The following NUP155 variants were observed in gnomAD, a reference collection of about 807,000 sequenced individuals.
NUP155 encodes nuclear pore complex protein Nup155.
NUP155 carries 71 observed loss-of-function variants against 180.4 expected under a neutral mutation model. That is an observed-to-expected ratio of 0.39 (90% CI 0.33 to 0.48). The LOEUF (loss-of-function observed/expected upper bound fraction) is 0.48, where lower values mean the gene tolerates loss of function less well. Among genes scored for constraint, NUP155 ranks in the 20% least tolerant of loss-of-function variants. The pLI is 0.91. For synonymous variants in NUP155, 582 were observed against 559.5 expected (o/e 1.04, Z -0.57); for missense variants, 1,553 against 1,648.9 (o/e 0.94, Z 1.01).
intron 34 of NUP155, 45 bp from the exon 35 acceptor site, chr5:37,292,083 T>A (rs920566985): frequency 6.2e-7 from 1 of 1,601,476 alleles, no homozygotes; most frequent in African/African-American, 1.3e-5. Context: ...TTACAAACAT[T>A]TCCTCCTGCA....
chr5:37,331,882 TG>T lies in NUP155; in HGVS notation c.1519-88del, dbSNP rs1205559602. 5 of 854,566 alleles carry T rather than the reference TG, an allele frequency of 5.9e-6. No homozygotes were observed. In the Admixed American group the frequency reaches 9.1e-5, roughly 16 times the overall value. 52.9% of individuals were successfully genotyped at this position (854,566 alleles called of 1,614,324 possible). A position where few individuals can be genotyped will look rare whatever the true frequency, so the allele number is the denominator to read the frequency against. On this transcript the variant is annotated intron_variant, in intron 13 of 34. Coordinates refer to ENST00000231498, the MANE Select transcript of NUP155 (RefSeq NM_153485.3). ...ACTCTACCTTATTTGATAAAATAAATGAAACAAACAAAAAAAACCATTCAAC... is the reference window on the plus strand; with the variant it reads ...ACTCTACCTTATTTGATAAAATAAATAAACAAACAAAAAAAACCATTCAAC...
intron 32 of NUP155, among the ~76,000 whole-genome samples, chr5:37,296,278 G>C (rs1490600098): frequency 7.2e-5 from 11 of 152,146 alleles, no homozygotes; most frequent in Non-Finnish European, 1.3e-4. Flanking sequence ...GATGGTTGCC[G>C]TGTCTGTATA....
At chr5:37,299,019 T>C (rs1228054259) in intron 31 of NUP155, 41 bp from the exon 32 acceptor site, 2 of 1,137,078 alleles carry the variant, frequency 1.8e-6, no homozygotes, top group East Asian at 2.4e-5. Flanking sequence ...CAAATTACTT[T>C]TAATGTGAAA....
At chr5:37,317,886 T>C in intron 21 of NUP155, 102 bp downstream of exon 21, 3 of 786,272 alleles carry the variant, frequency 3.8e-6, no homozygotes, top group Non-Finnish European at 6.9e-6. Context: ...CAAATATTTG[T>C]GTACAAAGTA....
Position 37,288,280 on chromosome 5 carries a change from A to C in NUP155, c.*3620T>G, listed in dbSNP as rs576627002. ...GATACAACTCTGTACCATGGTCATAATTTTTCCGTCTCATGAATAGGAGGA... is the reference window on the plus strand; with the variant it reads ...GATACAACTCTGTACCATGGTCATACTTTTTCCGTCTCATGAATAGGAGGA... On this transcript the variant is annotated 3_prime_UTR_variant, in exon 35 of 35. Transcript: ENST00000231498. The C allele has an allele frequency of 1.3e-4, 20 of 152,284 alleles. No homozygotes were observed. The highest frequency in any genetic ancestry group is 3.6e-4 in the African/African-American group (15 of 41,556). The allele number at this position is 152,284 out of a possible 1,614,324, so 9.4% of individuals were successfully genotyped here. A position where few individuals can be genotyped will look rare whatever the true frequency, so the allele number is the denominator to read the frequency against.
chr5:37,292,760 CAAAT>C, intron 34 of NUP155, 115 bp downstream of exon 34: 1 of 695,118 alleles, frequency 1.4e-6, no homozygotes, highest in Admixed American at 2.4e-5. Context: ...CAATATCATT[CAAAT>C]AGTTATTGCT....
chr5:37,359,443 A>C (rs1384791307), intron 3 of NUP155, among the ~76,000 whole-genome samples: 1 of 152,090 alleles, frequency 6.6e-6, no homozygotes, highest in Admixed American at 6.6e-5. Context: ...TCACAGGAAG[A>C]GCCTAAGACT....
At chr5:37,348,643 C>A in intron 8 of NUP155, 47 bp from the exon 9 acceptor site, 1 of 1,031,744 alleles carries the variant, frequency 9.7e-7, no homozygotes, top group Non-Finnish European at 1.5e-6. Flanking sequence ...ATATACTATA[C>A]ACATATTATT....
At position 37,333,648 on chromosome 5, in the gene NUP155, T is replaced by G; in HGVS notation, c.1348-15A>C. 1.9e-6 allele frequency: 3 copies of G among 1,605,236 alleles called. No individual in the cohort carries two copies. The highest frequency in any genetic ancestry group is 1.3e-5 in the African/African-American group (1 of 74,544). The stretch of plus-strand genomic sequence containing the variant: ...CCAGCTGTCATCTATGTAAAAGAAA[T>G]AAATGTTTTATACATCATATTGAAG... On this transcript the variant is annotated splice_polypyrimidine_tract_variant and intron_variant, in intron 12 of 34. Coordinates refer to ENST00000231498, the MANE Select transcript of NUP155 (RefSeq NM_153485.3).
At chr5:37,304,187 T>A (rs1043149430) in intron 27 of NUP155, among the ~76,000 whole-genome samples, 4 of 141,134 alleles carry the variant, frequency 2.8e-5, no homozygotes, top group Middle Eastern at 3.7e-3. Context: ...GAGGCGGAGG[T>A]TGCAGTGAGC....
chr5:37,300,150 T>C (rs144250244), intron 30 of NUP155, among the ~76,000 whole-genome samples: 51 of 152,332 alleles, frequency 3.3e-4, no homozygotes, highest in South Asian at 1.0e-3. Context: ...TTAAAATTCA[T>C]TTTTTCAAAT....
Position 37,288,487 on chromosome 5 carries a change from A to G in NUP155, c.*3413T>C, listed in dbSNP as rs140388294. The G allele has an allele frequency of 8.5e-5, 13 of 152,312 alleles. No individual in the cohort carries two copies. The highest frequency in any genetic ancestry group is 1.9e-4 in the East Asian group (1 of 5,190). 9.4% of individuals were successfully genotyped at this position (152,312 alleles called of 1,614,324 possible). ...TTCCTAACCGTTTTGCCATACTACA[A>G]TGATCTAGTTAAAATACAAATTTCA... On this transcript the variant is annotated 3_prime_UTR_variant, in exon 35 of 35. Transcript: ENST00000231498.
In NUP155 at chr5:37,310,687, T is replaced by C; in HGVS notation, c.2493A>G (p.Lys831=). 6.2e-7 allele frequency: 1 copy of C among 1,613,914 alleles called. No homozygotes were observed. The highest frequency in any genetic ancestry group is 1.1e-5 in the South Asian group (1 of 91,076). The part of the protein sequence containing the change: ...TTFKDLVIRD[K]ELTGALIASL... ...AAGCAATTAATGCCCCTGTGAGTTC[T>C]TTGTCCCTGATTACAAGATCTTTAA... Residue 831 remains lysine (K), a synonymous_variant, in exon 23 of 35, where the codon AAA becomes AAG. Transcript: ENST00000231498.
chr5:37,290,081 GAC>G lies in NUP155; in HGVS notation c.*1817_*1818del, dbSNP rs1236852918. On this transcript the variant is annotated 3_prime_UTR_variant, in exon 35 of 35. Coordinates refer to ENST00000231498, the MANE Select transcript of NUP155 (RefSeq NM_153485.3). The stretch of plus-strand genomic sequence containing the variant: ...AGGCAACCCTATGGTCTTGGGAAAA[GAC>G]AATAATGGAAGGAAAAATATATTCA... The G allele has an allele frequency of 5.9e-5, 9 of 152,198 alleles. No individual in the cohort carries two copies. Among genetic ancestry groups the G allele is most frequent in the Admixed American group, 5.2e-4 (8 of 15,276 alleles). The allele number at this position is 152,198 out of a possible 1,614,324, so 9.4% of individuals were successfully genotyped here. A position where few individuals can be genotyped will look rare whatever the true frequency, so the allele number is the denominator to read the frequency against.
At chr5:37,321,514 C>CGA (rs1432604433) in intron 20 of NUP155, among the ~76,000 whole-genome samples, 1 of 151,980 alleles carries the variant, frequency 6.6e-6, no homozygotes, top group Non-Finnish European at 1.5e-5. Flanking sequence ...GTCAAGAGAT[C>CGA]GAGACCATCC....
intron 5 of NUP155, 105 bp from the exon 6 acceptor site, chr5:37,351,461 T>C (rs879815892): frequency 7.0e-6 from 6 of 861,968 alleles, no homozygotes; most frequent in African/African-American, 1.7e-5. Flanking sequence ...TCTTTTTTTT[T>C]TTTCTTGAGA....
At chr5:37,364,178 A>G in intron 2 of NUP155, 69 bp downstream of exon 2, 3 of 1,331,770 alleles carry the variant, frequency 2.3e-6, no homozygotes, top group Non-Finnish European at 2.1e-6. Flanking sequence ...TTAAACATAG[A>G]ACAAGAATTA....
intron 4 of NUP155, among the ~76,000 whole-genome samples, chr5:37,357,399 CAAAAAAAAAAAAAAAAA>C (rs397997409): frequency 3.2e-5 from 1 of 31,296 alleles, no homozygotes; most frequent in Non-Finnish European, 5.2e-5. Flanking sequence ...ACCTTAATCT[CAAAAAAAAAAAAAAAAA>C]AAAAAAAAAA....
rs748909089 is a variant in NUP155, at chr5:37,348,512, T to C, written c.988A>G (p.Ile330Val). The change falls in exon 9 of 35, where the codon ATT becomes GTT. Residue 330 changes from isoleucine (I) to valine (V), a missense_variant. By Grantham distance (29) the Ile-to-Val change is conservative. Coordinates refer to ENST00000231498, the MANE Select transcript of NUP155 (RefSeq NM_153485.3). Reference sequence around the variant, plus strand: ...TAATAAATTACATGTTACCTAGCAATGTTACCAGCAGCAGAGACAATGGCA... The same window carrying C: ...TAATAAATTACATGTTACCTAGCAACGTTACCAGCAGCAGAGACAATGGCA... ...QNAIVSAAGN[I>V]ARTIDRSVFK... The C allele has an allele frequency of 6.3e-7, 1 of 1,596,434 alleles. No individual in the cohort carries two copies. The highest frequency in any genetic ancestry group is 1.3e-5 in the African/African-American group (1 of 74,678).
Sources: allele counts gnomAD v4.1 joint callset (sites outside exome capture counted in the v4.1 genomes callset), GRCh38; gene constraint gnomAD v4.1.1; transcripts MANE v1.5; gene names NCBI Gene and HGNC (gene_info 2026-07-23, HGNC 2026-07-21).